The following OPCML variants were observed in gnomAD, a reference collection of about 807,000 sequenced individuals.
OPCML encodes the protein opioid binding protein/cell adhesion molecule like.
Under a neutral mutation model 37.8 loss-of-function variants are expected in OPCML, and 13 were observed. That is an observed-to-expected ratio of 0.34 (90% CI 0.22 to 0.55). The LOEUF (loss-of-function observed/expected upper bound fraction) is 0.55. OPCML is among the 20% of genes least tolerant of loss of function. The pLI, the probability that OPCML is intolerant of heterozygous loss-of-function variation, is 0.91. For synonymous variants in OPCML, 176 were observed against 168.8 expected, an observed-to-expected ratio of 1.04 and a Z score of -0.33; for missense variants, 341 against 435.6, an observed-to-expected ratio of 0.78 and a Z score of 1.93.
chr11:132,691,103 G>T (rs1565779153), intron 2 of OPCML, among the ~76,000 whole-genome samples: 1 of 152,158 alleles, frequency 6.6e-6, no homozygotes, highest in Non-Finnish European at 1.5e-5. Context: ...TATGAAGTAG[G>T]TGCTAACATA....
At chr11:132,706,974 C>T (rs995618221) in intron 2 of OPCML, among the ~76,000 whole-genome samples, 6 of 152,188 alleles carry the variant, frequency 3.9e-5, no homozygotes, top group South Asian at 2.1e-4. Context: ...GTCTAAACGT[C>T]GCCAAGATGG....
chr11:132,476,182 G>T (rs2096154829), intron 4 of OPCML, among the ~76,000 whole-genome samples: 1 of 152,156 alleles, frequency 6.6e-6, no homozygotes, highest in Non-Finnish European at 1.5e-5. Context: ...AAATCATATA[G>T]CTTTTCTCAG....
chr11:133,153,365 A>G (rs1164633655), intron 1 of OPCML, among the ~76,000 whole-genome samples: 1 of 152,192 alleles, frequency 6.6e-6, no homozygotes, highest in Non-Finnish European at 1.5e-5. Flanking sequence ...TCCAGAGGAC[A>G]AGGCGAGAAC....
intron 1 of OPCML, among the ~76,000 whole-genome samples, chr11:133,293,572 T>C (rs1942541336): frequency 6.6e-6 from 1 of 152,138 alleles, no homozygotes; most frequent in African/African-American, 2.4e-5. Flanking sequence ...GCCCTGCACG[T>C]GCCACGGAGA....
intron 1 of OPCML, among the ~76,000 whole-genome samples, chr11:133,425,783 T>C (rs879141660): frequency 2.0e-5 from 3 of 152,198 alleles, no homozygotes; most frequent in Non-Finnish European, 4.4e-5. Flanking sequence ...AAATAGAGAA[T>C]AGTAAACACG....
At chr11:132,466,276 G>A (rs2096119289) in intron 4 of OPCML, among the ~76,000 whole-genome samples, 1 of 149,936 alleles carries the variant, frequency 6.7e-6, no homozygotes, top group African/African-American at 2.5e-5. Context: ...ACGAGGTCAG[G>A]AGATCGAGAC....
Position 133,532,371 on chromosome 11 carries a change from C to A in OPCML, c.-47G>T, listed in dbSNP as rs1468985336. On this transcript the variant is annotated 5_prime_UTR_variant, in exon 1 of 8. Transcript: ENST00000524381. ...GCTGCCGGGCTTGCTACTGCTTCTG[C>A]TGCTGCTACCGCTGCTGCCTTCCTC... 7 of 1,597,998 alleles carry A rather than the reference C, an allele frequency of 4.4e-6. No individual in the cohort carries two copies. The South Asian group carries it at 7.9e-5, about 18-fold the overall frequency.
intron 1 of OPCML, among the ~76,000 whole-genome samples, chr11:133,118,618 C>T (rs997654388): frequency 2.0e-5 from 3 of 151,904 alleles, no homozygotes; most frequent in Non-Finnish European, 4.4e-5. Context: ...ACAAGATGCT[C>T]TCTTCTCACA....
At chr11:133,200,540 G>A (rs758875535) in intron 1 of OPCML, among the ~76,000 whole-genome samples, 1 of 152,074 alleles carries the variant, frequency 6.6e-6, no homozygotes, top group Admixed American at 6.5e-5. Context: ...TTCTGTACGT[G>A]CAATCTCTCA....
chr11:132,465,527 G>A (rs2226648), intron 4 of OPCML, among the ~76,000 whole-genome samples: 17 of 149,708 alleles, frequency 1.1e-4, no homozygotes, highest in Admixed American at 5.3e-4. Flanking sequence ...TCAATTTTTC[G>A]ATTGGACTTT....
chr11:133,365,463 T>C (rs1944518218), intron 1 of OPCML: 1 of 152,144 alleles, frequency 6.6e-6, no homozygotes, highest in South Asian at 2.1e-4. Context: ...TATCTCCTTA[T>C]ATAAGGTGCT....
At chr11:132,686,414 C>T (rs146331550) in intron 2 of OPCML, among the ~76,000 whole-genome samples, 154 of 152,328 alleles carry the variant, frequency 1.0e-3, no homozygotes, top group African/African-American at 3.3e-3. Context: ...GAACTCACTG[C>T]AGTCTACAGA....
Position 132,503,513 on chromosome 11 carries a change from GGT to G in OPCML, c.505+25546_505+25547del, listed in dbSNP as rs370032037. Among the ~76,000 whole-genome samples, 1,219 of 152,062 alleles carry G rather than the reference GGT, an allele frequency of 8.0e-3. 23 individuals are homozygous for G. The highest frequency in any genetic ancestry group is 0.028 in the African/African-American group (1,159 of 41,448). On this transcript the variant is annotated intron_variant, in intron 4 of 7. Transcript: ENST00000524381. ...AAATCTAACAATGCATTAAAAATAT[GGT>G]GTGTCTGAAACTAATGCCAAGAATG...
chr11:132,908,890 C>T (rs1944332306), intron 2 of OPCML, among the ~76,000 whole-genome samples: 3 of 152,232 alleles, frequency 2.0e-5, no homozygotes, highest in African/African-American at 7.2e-5. Flanking sequence ...AGGATTGAGG[C>T]TTGCAGTGGA....
chr11:132,525,633 A>G (rs1464693471), intron 4 of OPCML, among the ~76,000 whole-genome samples: 1 of 152,232 alleles, frequency 6.6e-6, no homozygotes, highest in Non-Finnish European at 1.5e-5. Context: ...CCTTCTGAAA[A>G]TAAATATTGG....
At position 132,627,653 on chromosome 11, in the gene OPCML, A is replaced by T. The variant is rs372125731; in HGVS notation, c.379+29434T>A. On this transcript the variant is annotated intron_variant, in intron 3 of 7. Coordinates refer to ENST00000524381, the MANE Select transcript of OPCML (RefSeq NM_001012393.5). The stretch of plus-strand genomic sequence containing the variant: ...GTTTCAGATGATCGACATGTAGATG[A>T]TTTCAGCTAGATAAGTCATGAAGCA... Among the ~76,000 whole-genome samples the T allele has an allele frequency of 2.1e-4, 32 of 152,316 alleles. No homozygotes were observed. In the South Asian group the frequency reaches 4.1e-3, roughly 20 times the overall value.
At chr11:133,046,649 G>C (rs1299414368) in intron 1 of OPCML, among the ~76,000 whole-genome samples, 1 of 152,284 alleles carries the variant, frequency 6.6e-6, no homozygotes, top group Middle Eastern at 3.4e-3. Context: ...GGCATGTGGG[G>C]TTCTGTAGAG....
chr11:132,675,460 T>A (rs989096489), intron 2 of OPCML, among the ~76,000 whole-genome samples: 3 of 151,934 alleles, frequency 2.0e-5, no homozygotes, highest in African/African-American at 7.2e-5. Context: ...AGAAGTGATA[T>A]AAAAGGCACC....
At chr11:132,616,623 A>G (rs974487614) in intron 3 of OPCML, among the ~76,000 whole-genome samples, 8 of 152,172 alleles carry the variant, frequency 5.3e-5, no homozygotes, top group African/African-American at 1.9e-4. Flanking sequence ...ACACTTCTCA[A>G]AATTTTTTCA....
Sources: allele counts gnomAD v4.1 joint callset (sites outside exome capture counted in the v4.1 genomes callset), GRCh38; gene constraint gnomAD v4.1.1; transcripts MANE v1.5; gene names NCBI Gene and HGNC (gene_info 2026-07-23, HGNC 2026-07-21).